Variants in MYCBP2 observed in about 807,000 individuals in gnomAD.
MYCBP2 encodes E3 ubiquitin-protein ligase MYCBP2.
A neutral mutation model predicts 525.3 loss-of-function variants in MYCBP2; 120 were observed. The observed-to-expected ratio is 0.23, with a 90% CI of 0.20 to 0.27. The LOEUF is 0.27. Ranked by LOEUF, MYCBP2 falls within the 10% of genes least tolerant of loss-of-function variation. The pLI is 1.00. For missense variants in MYCBP2, 4,149 were observed against 5,657.1 expected, an observed-to-expected ratio of 0.73 and a Z score of 8.55; for synonymous variants, 1,894 against 1,955.8, an observed-to-expected ratio of 0.97 and a Z score of 0.83.
At chr13:77,162,272 G>A (rs781709013) in intron 43 of MYCBP2, among the ~76,000 whole-genome samples, 1 of 152,104 alleles carries the variant, frequency 6.6e-6, no homozygotes, top group African/African-American at 2.4e-5. Context: ...AAAAAAGAGG[G>A]AACAAATTAT....
Position 77,119,977 on chromosome 13 carries a change from C to T in MYCBP2, c.8140+1396G>A, listed in dbSNP as rs538703473. Among the ~76,000 whole-genome samples the T allele has an allele frequency of 9.9e-5, 15 of 152,156 alleles. 1 individual carries two copies. In the South Asian group the frequency reaches 2.9e-3, roughly 30 times the overall value. ...ATTTGTACATAATAACAAATTTTCT[C>T]GGCAATGTTTGTGTCTCAAACATTT... On this transcript the variant is annotated intron_variant, in intron 55 of 82. Transcript: ENST00000544440.
At chr13:77,188,647 C>T (rs895746167) in intron 30 of MYCBP2, among the ~76,000 whole-genome samples, 7 of 152,148 alleles carry the variant, frequency 4.6e-5, no homozygotes, top group African/African-American at 1.7e-4. Flanking sequence ...ACTTTTCCTT[C>T]ATTTTCTAAT....
In MYCBP2 at chr13:77,081,493, G is replaced by C; in HGVS notation, c.11352C>G (p.Ile3784Met). The change falls in exon 65 of 83, where the codon ATC becomes ATG. Residue 3784 changes from isoleucine to methionine, a missense_variant. Transcript: ENST00000544440. This position sits in a 1 kb window ranked among gnomAD's most constrained non-coding sequence, Gnocchi z 4.6. ...GGGCATTGATTCCTTTTACACAGTT[G>C]ATGGTGATGTTCTTAGTTTTGTTTT... Reference protein sequence around the residue: ...EDKNKTKNITINCVKGINARY... With the variant: ...EDKNKTKNITMNCVKGINARY... The C allele has an allele frequency of 1.9e-6, 3 of 1,613,274 alleles. No individual in the cohort carries two copies. Among genetic ancestry groups the C allele is most frequent in the Non-Finnish European group, 2.5e-6 (3 of 1,179,872 alleles).
At chr13:77,323,197 C>T (rs1309601548) in intron 1 of MYCBP2, among the ~76,000 whole-genome samples, 1 of 152,170 alleles carries the variant, frequency 6.6e-6, no homozygotes, top group Non-Finnish European at 1.5e-5. Flanking sequence ...CAAAGTTACA[C>T]AGCTAGCAAA....
rs549500104 is a variant in MYCBP2, at chr13:77,267,085, C to T, written c.1357+756G>A. ...AATATTGCTACTATGAAATTATTGA[C>T]AGACACATTAGACACTCAAGATTTT... On this transcript the variant is annotated intron_variant, in intron 8 of 82. Coordinates refer to ENST00000544440, the MANE Select transcript of MYCBP2 (RefSeq NM_015057.5). Among the ~76,000 whole-genome samples the T allele has an allele frequency of 1.1e-4, 17 of 152,118 alleles. No homozygotes were observed. The South Asian group carries it at 3.1e-3, about 28-fold the overall frequency.
chr13:77,152,792 G>C (rs779725166), intron 46 of MYCBP2, among the ~76,000 whole-genome samples: 1 of 152,110 alleles, frequency 6.6e-6, no homozygotes, highest in Non-Finnish European at 1.5e-5. Flanking sequence ...GTGGCTGGGC[G>C]CGGTGGCTCA....
chr13:77,202,588 C>A (rs1165291232), intron 26 of MYCBP2, among the ~76,000 whole-genome samples: 1 of 151,388 alleles, frequency 6.6e-6, no homozygotes, highest in African/African-American at 2.4e-5. Flanking sequence ...AGAGACACAA[C>A]CAAAAAAGAG....
intron 52 of MYCBP2, among the ~76,000 whole-genome samples, chr13:77,127,710 GAT>G (rs2051934311): frequency 6.6e-6 from 1 of 151,796 alleles, no homozygotes; most frequent in South Asian, 2.1e-4. Flanking sequence ...ATAATGAAGA[GAT>G]ATGTATACAT....
chr13:77,269,954 G>T (rs778812162), intron 7 of MYCBP2, 38 bp downstream of exon 7: 6 of 1,461,320 alleles, frequency 4.1e-6, no homozygotes, highest in Non-Finnish European at 5.7e-6. Flanking sequence ...TGTTGTAAAA[G>T]ATAAGAAAAT....
At chr13:77,278,729 T>C (rs748020198) in intron 4 of MYCBP2, 29 bp downstream of exon 4, 1 of 1,463,128 alleles carries the variant, frequency 6.8e-7, no homozygotes, top group East Asian at 2.5e-5. Flanking sequence ...CACTTTTAAA[T>C]GCTTCACTGA....
intron 3 of MYCBP2, among the ~76,000 whole-genome samples, chr13:77,286,950 T>C (rs1463170544): frequency 6.7e-6 from 1 of 148,384 alleles, no homozygotes; most frequent in Admixed American, 6.8e-5. Context: ...AGTGGCGCCA[T>C]CTCGGCTCAC....
intron 1 of MYCBP2, among the ~76,000 whole-genome samples, chr13:77,310,457 T>C (rs891532110): frequency 6.6e-6 from 1 of 152,176 alleles, no homozygotes; most frequent in Non-Finnish European, 1.5e-5. Flanking sequence ...CATTTATATA[T>C]ATTGTCTGTG....
intron 20 of MYCBP2, among the ~76,000 whole-genome samples, chr13:77,221,607 T>C (rs1410088077): frequency 1.3e-5 from 2 of 152,170 alleles, no homozygotes; most frequent in Non-Finnish European, 2.9e-5. Context: ...CTTTGCTGCA[T>C]ACATGACTGA....
intron 16 of MYCBP2, 96 bp from the exon 17 acceptor site, chr13:77,243,256 A>C: frequency 1.1e-6 from 1 of 924,974 alleles, no homozygotes; most frequent in East Asian, 2.4e-5. Context: ...AAAAGCTAGC[A>C]AAAACATTGT....
intron 52 of MYCBP2, 135 bp downstream of exon 52, chr13:77,139,061 A>T: frequency 2.0e-6 from 2 of 998,850 alleles, no homozygotes; most frequent in Non-Finnish European, 2.8e-6. Context: ...AGAAGCCCTT[A>T]AGAATTCAAG....
At chr13:77,282,124 T>C (rs1482358892) in intron 3 of MYCBP2, among the ~76,000 whole-genome samples, 1 of 151,974 alleles carries the variant, frequency 6.6e-6, no homozygotes, top group African/African-American at 2.4e-5. Flanking sequence ...GAATTCTGAA[T>C]GTGAGGCCGG....
At chr13:77,169,775 T>C in intron 38 of MYCBP2, 61 bp from the exon 39 acceptor site, 2 of 1,312,278 alleles carry the variant, frequency 1.5e-6, no homozygotes, top group Non-Finnish European at 2.2e-6. Context: ...TTGTACTGCA[T>C]ACATGCTGTA....
intron 8 of MYCBP2, among the ~76,000 whole-genome samples, chr13:77,266,458 T>A (rs1236455235): frequency 6.6e-6 from 1 of 152,034 alleles, no homozygotes; most frequent in African/African-American, 2.4e-5. Context: ...AAAAGCAATA[T>A]GTAGCATATG....
chr13:77,182,437 T>C (rs1400156946), intron 32 of MYCBP2, among the ~76,000 whole-genome samples: 1 of 152,202 alleles, frequency 6.6e-6, no homozygotes, highest in Non-Finnish European at 1.5e-5. Flanking sequence ...TAAAAAAGCA[T>C]TAAAGCCAAC....
Sources: allele counts gnomAD v4.1 joint callset (sites outside exome capture counted in the v4.1 genomes callset), GRCh38; gene constraint gnomAD v4.1.1; non-coding constraint Gnocchi (gnomAD v3.1); transcripts MANE v1.5; gene names NCBI Gene and HGNC (gene_info 2026-07-23, HGNC 2026-07-21).